Variants in GRM7 observed in about 807,000 individuals in gnomAD.
The protein encoded by GRM7 is metabotropic glutamate receptor 7.
A neutral mutation model predicts 84.5 loss-of-function variants in GRM7; 35 were observed. The observed-to-expected ratio is 0.41, with a 90% confidence interval of 0.32 to 0.55. GRM7 has a LOEUF of 0.55. GRM7 is among the 20% of genes least tolerant of loss of function. The pLI is 0.19. For missense variants in GRM7, 1,003 were observed against 1,194.6 expected (o/e 0.84, Z 2.36); for synonymous variants, 487 against 455.1 (o/e 1.07, Z -0.89).
intron 1 of GRM7, among the ~76,000 whole-genome samples, chr3:7,098,864 G>A (rs886208641): frequency 6.6e-6 from 1 of 151,922 alleles, no homozygotes; most frequent in Non-Finnish European, 1.5e-5. Flanking sequence ...GTGTGCATCT[G>A]TATTAGATAA....
intron 2 of GRM7, among the ~76,000 whole-genome samples, chr3:7,278,334 A>C (rs1272293270): frequency 6.6e-6 from 1 of 152,056 alleles, no homozygotes; most frequent in Non-Finnish European, 1.5e-5. Flanking sequence ...AAAATTAAGA[A>C]AACCCAAACT....
At chr3:7,637,781 A>C (rs1460363004) in intron 8 of GRM7, among the ~76,000 whole-genome samples, 1 of 152,226 alleles carries the variant, frequency 6.6e-6, no homozygotes, top group East Asian at 1.9e-4. Context: ...AGCAACAGCT[A>C]GTGCAATATT....
chr3:7,623,351 A>C (rs1380257557), intron 8 of GRM7, among the ~76,000 whole-genome samples: 1 of 152,192 alleles, frequency 6.6e-6, no homozygotes, highest in African/African-American at 2.4e-5. Context: ...ATGTCTCTTC[A>C]TTGAAGATTT....
intron 2 of GRM7, among the ~76,000 whole-genome samples, chr3:7,289,436 G>A (rs1699541476): frequency 6.6e-6 from 1 of 152,134 alleles, no homozygotes; most frequent in Admixed American, 6.5e-5. Context: ...CAACCATTGT[G>A]GAAAACAGTG....
chr3:7,545,043 CA>C (rs1693078985), intron 7 of GRM7, among the ~76,000 whole-genome samples: 1 of 152,114 alleles, frequency 6.6e-6, no homozygotes, highest in South Asian at 2.1e-4. Flanking sequence ...ATAAGAAATG[CA>C]GTGGTATTTA....
chr3:7,128,036 C>A (rs979556442), intron 1 of GRM7, among the ~76,000 whole-genome samples: 2 of 151,256 alleles, frequency 1.3e-5, no homozygotes, highest in Non-Finnish European at 2.9e-5. Context: ...TAAAAGATGG[C>A]CAGTAAAAGA....
chr3:7,242,106 A>G (rs961000920), intron 2 of GRM7, among the ~76,000 whole-genome samples: 6 of 152,150 alleles, frequency 3.9e-5, no homozygotes. Flanking sequence ...TTTGTGCCAG[A>G]TCTTTTTATC....
At chr3:7,415,989 T>C (rs1408004077) in intron 5 of GRM7, among the ~76,000 whole-genome samples, 1 of 152,120 alleles carries the variant, frequency 6.6e-6, no homozygotes, top group African/African-American at 2.4e-5. Context: ...GAATGATGCT[T>C]GAGTCAAGAT....
At chr3:7,168,604 C>T (rs1232563022) in intron 2 of GRM7, among the ~76,000 whole-genome samples, 1 of 152,154 alleles carries the variant, frequency 6.6e-6, no homozygotes, top group Non-Finnish European at 1.5e-5. Context: ...GTTGTTTAAG[C>T]CCTTCAATGT....
intron 8 of GRM7, among the ~76,000 whole-genome samples, chr3:7,655,580 A>G (rs1016467652): frequency 1.3e-5 from 2 of 152,192 alleles, no homozygotes; most frequent in Non-Finnish European, 2.9e-5. Context: ...TTGGTTTGAG[A>G]ATGCACTTAT....
chr3:6,904,489 C>T (rs1440632468), intron 1 of GRM7, among the ~76,000 whole-genome samples: 2 of 152,092 alleles, frequency 1.3e-5, no homozygotes, highest in Admixed American at 6.5e-5. Flanking sequence ...CTATATAAGA[C>T]AGTGCAATAT....
At chr3:7,707,571 G>T (rs1701429647) in intron 9 of GRM7, among the ~76,000 whole-genome samples, 1 of 152,098 alleles carries the variant, frequency 6.6e-6, no homozygotes, top group Non-Finnish European at 1.5e-5. Context: ...CATTGGCCTG[G>T]CATCTATTTT....
chr3:7,165,059 A>G (rs1694754873), intron 2 of GRM7, among the ~76,000 whole-genome samples: 1 of 152,250 alleles, frequency 6.6e-6, no homozygotes, highest in Non-Finnish European at 1.5e-5. Context: ...GAGATGTGGA[A>G]TGAATCCAGA....
At chr3:7,623,668 C>T (rs1697469911) in intron 8 of GRM7, among the ~76,000 whole-genome samples, 1 of 152,096 alleles carries the variant, frequency 6.6e-6, no homozygotes, top group Admixed American at 6.6e-5. Context: ...CCAGGACATC[C>T]ATGGGAGGGG....
At chr3:7,439,932 T>C (rs916049903) in intron 5 of GRM7, among the ~76,000 whole-genome samples, 3 of 151,696 alleles carry the variant, frequency 2.0e-5, no homozygotes, top group Non-Finnish European at 4.4e-5. Flanking sequence ...GGGGAAGAAG[T>C]GTTCTCAGCA....
intron 1 of GRM7, among the ~76,000 whole-genome samples, chr3:7,042,290 T>C (rs1209998603): frequency 6.6e-6 from 1 of 152,158 alleles, no homozygotes; most frequent in African/African-American, 2.4e-5. Context: ...TTGTGTCCAC[T>C]GCAGAATTAA....
chr3:6,883,866 G>A (rs1695597255), intron 1 of GRM7, among the ~76,000 whole-genome samples: 1 of 152,210 alleles, frequency 6.6e-6, no homozygotes, highest in Non-Finnish European at 1.5e-5. Flanking sequence ...AAGTAGATTT[G>A]AGAAGTCTGA....
At chr3:7,365,770 C>A (rs1301540129) in intron 4 of GRM7, among the ~76,000 whole-genome samples, 6 of 150,512 alleles carry the variant, frequency 4.0e-5, no homozygotes, top group African/African-American at 1.5e-4. Context: ...TAGCCTCTTT[C>A]ACAATATTTT....
At chr3:7,668,676 GC>G (rs1223789259) in intron 8 of GRM7, among the ~76,000 whole-genome samples, 1 of 152,238 alleles carries the variant, frequency 6.6e-6, no homozygotes, top group Non-Finnish European at 1.5e-5. Flanking sequence ...ACAGGCAAAG[GC>G]CTTGTGACAG....
Sources: gnomAD v4.1 joint callset for allele counts (sites outside exome capture counted in the v4.1 genomes callset) on GRCh38, gnomAD v4.1.1 for gene constraint, MANE v1.5 for transcripts, NCBI Gene and HGNC (gene_info 2026-07-23, HGNC 2026-07-21) for gene names.